Variants in LRRC49 observed in about 807,000 individuals in gnomAD.
The protein encoded by LRRC49 is leucine rich repeat containing 49, also known as leucine-rich repeat-containing protein 49.
LRRC49 carries 50 observed loss-of-function variants against 83.3 expected under a neutral mutation model. The observed-to-expected ratio is 0.60, with a 90% confidence interval of 0.48 to 0.76. The LOEUF (loss-of-function observed/expected upper bound fraction) is 0.76, where lower values mean the gene tolerates loss of function less well. Among genes scored for constraint, LRRC49 ranks in the 30% least tolerant of loss-of-function variants. The pLI is 0.00. For synonymous variants in LRRC49, 286 were observed against 283.3 expected (o/e 1.01, Z -0.10); for missense variants, 704 against 809.1 (o/e 0.87, Z 1.58).
At chr15:70,975,644 G>T (rs937281438) in intron 9 of LRRC49, among the ~76,000 whole-genome samples, 1 of 152,188 alleles carries the variant, frequency 6.6e-6, no homozygotes, top group African/African-American at 2.4e-5. Context: ...AGTGAGCCAA[G>T]ATCTCGCCAC....
chr15:70,899,949 A>C (rs1043610895), intron 3 of LRRC49, among the ~76,000 whole-genome samples: 1 of 152,014 alleles, frequency 6.6e-6, no homozygotes, highest in South Asian at 2.1e-4. Flanking sequence ...GTCACGTTTG[A>C]CCCATTACTC....
upstream of LRRC49, among the ~76,000 whole-genome samples, chr15:70,890,012 T>C (rs2033510845): frequency 6.6e-6 from 1 of 152,244 alleles, no homozygotes; most frequent in South Asian, 2.1e-4. Flanking sequence ...AGTATATTAA[T>C]GTACTATGGA....
intron 7 of LRRC49, among the ~76,000 whole-genome samples, chr15:70,929,725 A>T (rs114804248): frequency 0.01 from 1,539 of 152,286 alleles, 38 homozygotes; most frequent in African/African-American, 0.036. Flanking sequence ...AGTTAATGTG[A>T]TATTCTAAGT....
intron 15 of LRRC49, among the ~76,000 whole-genome samples, chr15:71,039,669 A>T (rs1017906684): frequency 2.0e-5 from 3 of 152,154 alleles, no homozygotes; most frequent in South Asian, 2.1e-4. Context: ...GATGTGTTTT[A>T]AAAAAATGTT....
chr15:70,984,094 G>C lies in LRRC49; in HGVS notation c.1006G>C (p.Glu336Gln). 6.2e-7 allele frequency: 1 copy of C among 1,611,852 alleles called. No individual in the cohort carries two copies. The part of the protein sequence containing the change: ...RESHKQSLLK[E>Q]KKRLTINNVA... ...TTTGTCACAATTAACTTTTTCATAG[G>C]AGAAGAAAAGGTTAACAATTAACAA... Residue 336 changes from glutamate to glutamine, a missense_variant and splice_region_variant, in exon 11 of 16, where the codon GAG becomes CAG. Around this residue, in one of 3 missense-constraint regions of LRRC49, gnomAD observed 168 missense variants for 140.6 expected, o/e 1.20. Transcript: ENST00000260382.
chr15:71,034,672 GATATGCCATGGA>G (rs1283915564), intron 14 of LRRC49, among the ~76,000 whole-genome samples: 2 of 151,102 alleles, frequency 1.3e-5, no homozygotes, highest in Non-Finnish European at 3.0e-5. Context: ...TTGTGGTATG[GATATGCCATGGA>G]ATATGCCATG....
intron 7 of LRRC49, among the ~76,000 whole-genome samples, chr15:70,921,909 A>G (rs142364468): frequency 6.7e-6 from 1 of 150,322 alleles, no homozygotes; most frequent in Non-Finnish European, 1.5e-5. Flanking sequence ...TTGCTTGTTT[A>G]TTTACCAATC....
intron 11 of LRRC49, among the ~76,000 whole-genome samples, chr15:70,991,461 A>G (rs1196574386): frequency 1.3e-5 from 2 of 152,214 alleles, no homozygotes; most frequent in African/African-American, 4.8e-5. Flanking sequence ...TCTTCCTGCC[A>G]TATACTTGAA....
chr15:70,968,642 C>T (rs1024368729), intron 9 of LRRC49, among the ~76,000 whole-genome samples: 5 of 152,196 alleles, frequency 3.3e-5, no homozygotes, highest in African/African-American at 1.2e-4. Flanking sequence ...TCTCCGGCAT[C>T]TGTTGTTTCC....
Position 71,002,321 on chromosome 15 carries a change from C to T in LRRC49, c.1170-6058C>T, listed in dbSNP as rs76707055. Among the ~76,000 whole-genome samples the T allele has an allele frequency of 3.4e-3, 506 of 150,402 alleles. 3 individuals carry two copies. The highest frequency in any genetic ancestry group is 5.3e-3 in the Non-Finnish European group (358 of 67,616). ...TATAACCTTTGGCTTATGGGGGGGG[C>T]GTGTAACTAAATGCCTGGAAACAAG... On this transcript the variant is annotated intron_variant, in intron 11 of 15. Transcript: ENST00000260382.
chr15:70,909,260 T>C (rs2034448513), intron 5 of LRRC49, among the ~76,000 whole-genome samples: 1 of 152,134 alleles, frequency 6.6e-6, no homozygotes, highest in South Asian at 2.1e-4. Flanking sequence ...TTCAATAATA[T>C]AGGAACCAGC....
At chr15:70,985,654 T>C (rs1156236786) in intron 11 of LRRC49, among the ~76,000 whole-genome samples, 2 of 152,134 alleles carry the variant, frequency 1.3e-5, no homozygotes, top group Non-Finnish European at 2.9e-5. Context: ...TTTGTCAATT[T>C]TGGCTTTTGT....
At chr15:71,004,533 C>T (rs1431132427) in intron 11 of LRRC49, among the ~76,000 whole-genome samples, 1 of 151,942 alleles carries the variant, frequency 6.6e-6, no homozygotes, top group Non-Finnish European at 1.5e-5. Context: ...GCCTGTAATC[C>T]CAGCTACTCG....
At chr15:70,873,130 C>T (rs990884984) in exon 2 of LRRC49, 1 of 1,267,590 alleles carries the variant, frequency 7.9e-7, no homozygotes, top group Non-Finnish European at 1.1e-6. Context: ...AGTGATCCAC[C>T]CGCCTTGGCC....
intron 9 of LRRC49, among the ~76,000 whole-genome samples, chr15:70,968,021 G>A (rs2036852500): frequency 6.6e-6 from 1 of 151,818 alleles, no homozygotes; most frequent in Admixed American, 6.6e-5. Context: ...TAAGTTCTGG[G>A]ATACATGTGC....
intron 6 of LRRC49, among the ~76,000 whole-genome samples, chr15:70,915,506 A>G (rs1397428405): frequency 1.3e-5 from 2 of 152,010 alleles, no homozygotes; most frequent in African/African-American, 4.8e-5. Flanking sequence ...CTTCTTTTCC[A>G]TTTATGTTTG....
chr15:71,002,787 T>A (rs2038306701), intron 11 of LRRC49, among the ~76,000 whole-genome samples: 1 of 152,116 alleles, frequency 6.6e-6, no homozygotes, highest in Non-Finnish European at 1.5e-5. Context: ...AAAAAAACAA[T>A]AATAATCCTC....
Position 71,052,773 on chromosome 15 carries a change from CTA to C in LRRC49, c.*3162_*3163del, listed in dbSNP as rs1482266755. 5 of 152,254 alleles carry C rather than the reference CTA, an allele frequency of 3.3e-5. No individual in the cohort carries two copies. Among genetic ancestry groups the C allele is most frequent in the African/African-American group, 1.2e-4 (5 of 41,550 alleles). 9.4% of individuals were successfully genotyped at this position (152,254 alleles called of 1,614,324 possible). A position where few individuals can be genotyped will look rare whatever the true frequency, so the allele number is the denominator to read the frequency against. ...ATAGAGAGGATGAAAAAAAACGTAACTAAGGGTATTTCAACCAATAAATAGTA... is the reference window on the plus strand; with the variant it reads ...ATAGAGAGGATGAAAAAAAACGTAACAGGGTATTTCAACCAATAAATAGTA... On this transcript the variant is annotated 3_prime_UTR_variant, in exon 16 of 16. Transcript: ENST00000260382.
Position 71,008,544 on chromosome 15 carries a change from C to T in LRRC49, c.1335C>T (p.Ser445=), listed in dbSNP as rs2038540969. Residue 445 remains serine (S), a synonymous_variant, in exon 12 of 16, where the codon TCC becomes TCT. Coordinates refer to ENST00000260382, the MANE Select transcript of LRRC49 (RefSeq NM_017691.5). ...CAGCAGGAATGATCACAACAGTCTC[C>T]TTCACTTTCATAGAATTTGATGAAA... The part of the protein sequence containing the change: ...VQTAGMITTV[S]FTFIEFDEIV... 6.2e-7 allele frequency: 1 copy of T among 1,612,568 alleles called. No homozygotes were observed. The highest frequency in any genetic ancestry group is 1.7e-5 in the Admixed American group (1 of 59,814).
Sources: allele counts gnomAD v4.1 joint callset (sites outside exome capture counted in the v4.1 genomes callset), GRCh38; gene constraint gnomAD v4.1.1; regional missense constraint gnomAD v4.1.1; transcripts MANE v1.5; gene names NCBI Gene and HGNC (gene_info 2026-07-23, HGNC 2026-07-21).